Variants in FRMPD2 observed in about 807,000 individuals in gnomAD.
FRMPD2 encodes the protein FERM and PDZ domain containing 2, also known as FERM and PDZ domain-containing protein 2.
FRMPD2 carries 96 observed loss-of-function variants against 140.1 expected under a neutral mutation model. The observed-to-expected ratio is 0.69, with a 90% CI of 0.58 to 0.81. The LOEUF (loss-of-function observed/expected upper bound fraction) is 0.81, where lower values mean the gene tolerates loss of function less well. Ranked by LOEUF, FRMPD2 falls within the 40% of genes least tolerant of loss-of-function variation. The pLI is 0.00. For missense variants in FRMPD2, 1,240 were observed against 1,447.4 expected, an observed-to-expected ratio of 0.86 and a Z score of 2.32; for synonymous variants, 449 against 547.6, an observed-to-expected ratio of 0.82 and a Z score of 2.52.
intron 4 of FRMPD2, 47 bp downstream of exon 4, chr10:48,244,737 A>G (rs1028564331): frequency 3.5e-6 from 5 of 1,446,398 alleles, no homozygotes; most frequent in East Asian, 4.5e-5. Context: ...CACTAAATAA[A>G]CCCAGAGACA....
At chr10:48,164,205 G>A (rs1276446394) in intron 27 of FRMPD2, among the ~76,000 whole-genome samples, 1 of 150,612 alleles carries the variant, frequency 6.6e-6, no homozygotes, top group Non-Finnish European at 1.5e-5. Context: ...ACCTTCTACA[G>A]AAAAACAATC....
Position 48,232,274 on chromosome 10 carries a change from A to T in FRMPD2, c.1009T>A (p.Ser337Thr), listed in dbSNP as rs781007603. Residue 337 changes from serine (S) to threonine (T), a missense_variant, in exon 10 of 29, where the codon TCC becomes ACC. By Grantham distance (58) the Ser-to-Thr change is moderately conservative. Around this residue, in one of 6 missense-constraint regions of FRMPD2, gnomAD observed 1,161 missense variants for 1,055.9 expected, o/e 1.10. Transcript: ENST00000374201. ...CAGAGGTCCCTGAGAGCCAAATAGG[A>T]TTTCCCTTTTTTGGTCTGAAAACAA... Reference protein sequence around the residue: ...PGSVVTKKGKSYLALRDLCVV... With the variant: ...PGSVVTKKGKTYLALRDLCVV... 2.2e-5 allele frequency: 36 copies of T among 1,610,500 alleles called. No individual in the cohort carries two copies. Among genetic ancestry groups the T allele is most frequent in the Non-Finnish European group, 2.9e-5 (34 of 1,178,054 alleles).
At chr10:48,200,788 G>T (rs1458464764) in intron 15 of FRMPD2, among the ~76,000 whole-genome samples, 3 of 152,184 alleles carry the variant, frequency 2.0e-5, no homozygotes, top group African/African-American at 7.2e-5. Context: ...TTATATAGAT[G>T]CTCTTGGTTT....
chr10:48,194,811 C>T (rs1368066393), intron 15 of FRMPD2, among the ~76,000 whole-genome samples: 4 of 152,104 alleles, frequency 2.6e-5, no homozygotes, highest in Non-Finnish European at 5.9e-5. Flanking sequence ...CCAGTGTCAT[C>T]GCCACGCCTC....
intron 3 of FRMPD2, among the ~76,000 whole-genome samples, chr10:48,245,944 T>C (rs1377527651): frequency 6.6e-6 from 1 of 152,234 alleles, no homozygotes; most frequent in Non-Finnish European, 1.5e-5. Context: ...GTTTTTGGTT[T>C]TGGTTGTTCA....
intron 14 of FRMPD2, 26 bp downstream of exon 14, chr10:48,206,722 T>C: frequency 6.3e-7 from 1 of 1,594,672 alleles, no homozygotes; most frequent in African/African-American, 1.3e-5. Context: ...GAAGTGCAGG[T>C]TATTTATCAA....
chr10:48,187,401 G>T, intron 16 of FRMPD2, 109 bp from the exon 17 acceptor site: 1 of 838,322 alleles, frequency 1.2e-6, no homozygotes, highest in Non-Finnish European at 1.9e-6. Flanking sequence ...GAGTATGGAT[G>T]ATGGCCCGGG....
At position 48,158,511 on chromosome 10, in the gene FRMPD2, G is replaced by A. The variant is rs1164647427; in HGVS notation, c.3882-1141C>T. On this transcript the variant is annotated intron_variant, in intron 28 of 28. Transcript: ENST00000374201. ...TCATGTTTTGCATGTGGACATGATG[G>A]GTAAAGAGGTGGAGTTCTTCACCCA... Among the ~76,000 whole-genome samples, 5 of 147,610 alleles carry A rather than the reference G, an allele frequency of 3.4e-5. No homozygotes were observed. The East Asian group carries it at 8.1e-4, about 24-fold the overall frequency.
chr10:48,227,485 C>T (rs1359344320), intron 10 of FRMPD2, among the ~76,000 whole-genome samples: 1 of 152,202 alleles, frequency 6.6e-6, no homozygotes. Flanking sequence ...TCAATTGTTT[C>T]AACCTCCACT....
At chr10:48,242,705 C>T (rs1188523546) in intron 4 of FRMPD2, among the ~76,000 whole-genome samples, 2 of 152,236 alleles carry the variant, frequency 1.3e-5, no homozygotes, top group African/African-American at 4.8e-5. Flanking sequence ...GCCTTTCACT[C>T]AAGTTCACCT....
chr10:48,254,513 A>G (rs975173995), intron 1 of FRMPD2, among the ~76,000 whole-genome samples: 2 of 152,208 alleles, frequency 1.3e-5, no homozygotes, highest in African/African-American at 2.4e-5. Context: ...AATTCTCTAC[A>G]CTAGCCCACC....
intron 10 of FRMPD2, among the ~76,000 whole-genome samples, chr10:48,225,156 G>C (rs1374435406): frequency 6.6e-6 from 1 of 152,190 alleles, no homozygotes; most frequent in Non-Finnish European, 1.5e-5. Context: ...TGTGATCCCA[G>C]CTCAGCCTCC....
intron 1 of FRMPD2, among the ~76,000 whole-genome samples, chr10:48,272,215 C>T (rs1473293235): frequency 6.6e-6 from 1 of 152,130 alleles, no homozygotes; most frequent in African/African-American, 2.4e-5. Flanking sequence ...CTTCGTGCCC[C>T]CTTCATTTGC....
At chr10:48,240,698 C>G (rs1048655548) in intron 5 of FRMPD2, among the ~76,000 whole-genome samples, 1 of 152,206 alleles carries the variant, frequency 6.6e-6, no homozygotes. Flanking sequence ...CCACTCCAGA[C>G]CTGCACACTC....
At chr10:48,241,781 CG>C (rs1253919856) in intron 5 of FRMPD2, among the ~76,000 whole-genome samples, 8 of 152,136 alleles carry the variant, frequency 5.3e-5, no homozygotes, top group Non-Finnish European at 8.8e-5. Flanking sequence ...AAAACGAAGT[CG>C]GGGAAGGCTT....
intron 15 of FRMPD2, among the ~76,000 whole-genome samples, chr10:48,197,833 A>G (rs1229410832): frequency 6.6e-6 from 1 of 152,242 alleles, no homozygotes; most frequent in Non-Finnish European, 1.5e-5. Flanking sequence ...ACTGGGCCCC[A>G]ACAGCCACAG....
chr10:48,226,569 CT>C (rs1839725939), intron 10 of FRMPD2, among the ~76,000 whole-genome samples: 1 of 152,170 alleles, frequency 6.6e-6, no homozygotes, highest in African/African-American at 2.4e-5. Context: ...CACTTTGACC[CT>C]TGTGTTATTT....
chr10:48,237,906 GC>G, intron 8 of FRMPD2, 84 bp downstream of exon 8: 1 of 1,504,604 alleles, frequency 6.6e-7, no homozygotes. Flanking sequence ...AGAAGACCCT[GC>G]CCATTTTCAG....
At chr10:48,174,729 A>T in intron 24 of FRMPD2, 141 bp downstream of exon 24, 3 of 719,640 alleles carry the variant, frequency 4.2e-6, no homozygotes, top group Middle Eastern at 7.6e-4. Flanking sequence ...GTAAGAAGAA[A>T]TGGAAGAGAA....
Sources: gnomAD v4.1 joint callset for allele counts (sites outside exome capture counted in the v4.1 genomes callset) on GRCh38, gnomAD v4.1.1 for gene constraint, gnomAD v4.1.1 regional missense constraint, MANE v1.5 for transcripts, NCBI Gene and HGNC (gene_info 2026-07-23, HGNC 2026-07-21) for gene names.